The following ALDH5A1 variants were observed in gnomAD, a reference collection of about 807,000 sequenced individuals.
ALDH5A1 encodes the protein aldehyde dehydrogenase 5 family member A1, also known as succinate-semialdehyde dehydrogenase, mitochondrial.
In ALDH5A1, 33 loss-of-function variants were observed where a neutral mutation model predicts 54.7. The observed-to-expected ratio is 0.60, with a 90% CI of 0.46 to 0.81. The LOEUF (loss-of-function observed/expected upper bound fraction) is 0.81, where lower values mean the gene tolerates loss of function less well. Ranked by LOEUF, ALDH5A1 falls within the 30% of genes least tolerant of loss-of-function variation. The probability of loss-of-function intolerance (pLI) is 0.00; values close to 1 mark genes in which losing one functional copy is unlikely to be tolerated. For synonymous variants in ALDH5A1, 294 were observed against 292.7 expected (o/e 1.00, Z -0.05); for missense variants, 657 against 711.0 (o/e 0.92, Z 0.86).
Position 24,504,852 on chromosome 6 carries a change from T to A in ALDH5A1, c.610-17T>A. ...GGTCCTTCCTCTCACATACTTCCTC[T>A]GCTCTTCTAACCCCAGTGGAATTTC... On this transcript the variant is annotated splice_polypyrimidine_tract_variant and intron_variant, in intron 3 of 9. Transcript: ENST00000357578. The A allele has an allele frequency of 1.2e-6, 2 of 1,610,448 alleles. No homozygotes were observed. Among genetic ancestry groups the A allele is most frequent in the Non-Finnish European group, 1.7e-6 (2 of 1,176,624 alleles).
intron 4 of ALDH5A1, 98 bp downstream of exon 4, chr6:24,505,083 C>T: frequency 8.3e-7 from 1 of 1,201,558 alleles, no homozygotes; most frequent in Non-Finnish European, 1.2e-6. Context: ...TACTTCTTTG[C>T]TTACGCCTCC....
chr6:24,519,287 G>A (rs554591814), intron 5 of ALDH5A1, among the ~76,000 whole-genome samples: 4 of 152,228 alleles, frequency 2.6e-5, no homozygotes, highest in South Asian at 4.1e-4. Context: ...GTTCTAGGCC[G>A]GGCACAGTGG....
At chr6:24,528,934 C>T (rs1344961091) in intron 8 of ALDH5A1, among the ~76,000 whole-genome samples, 1 of 151,984 alleles carries the variant, frequency 6.6e-6, no homozygotes, top group Non-Finnish European at 1.5e-5. Flanking sequence ...GCCTCTGCCT[C>T]CCAAAGTGCT....
At chr6:24,499,351 C>T (rs2127381041) in intron 1 of ALDH5A1, among the ~76,000 whole-genome samples, 1 of 152,328 alleles carries the variant, frequency 6.6e-6, no homozygotes, top group South Asian at 2.1e-4. Flanking sequence ...TGGGAAGCTA[C>T]AGCCTGAGCA....
Position 24,528,008 on chromosome 6 carries a change from G to C in ALDH5A1, c.1185G>C (p.Gln395His). 6.2e-7 allele frequency: 1 copy of C among 1,614,046 alleles called. No individual in the cohort carries two copies. Among genetic ancestry groups the C allele is most frequent in the Non-Finnish European group, 8.5e-7 (1 of 1,179,970 alleles). The change falls in exon 8 of 10, where the codon CAG (glutamine) becomes CAC (histidine). Residue 395 changes from glutamine to histidine, a missense_variant. Transcript: ENST00000357578. ...TCCTCATTACACAGGTGGAGAAACA[G>C]GTGAATGATGCCGTTTCTAAAGGTG... ...NEKAVEKVEK[Q>H]VNDAVSKGAT...
intron 8 of ALDH5A1, among the ~76,000 whole-genome samples, chr6:24,530,241 C>G (rs906051051): frequency 6.6e-6 from 1 of 152,138 alleles, no homozygotes; most frequent in Non-Finnish European, 1.5e-5. Flanking sequence ...TCCCACCCAC[C>G]AAGATCTTTA....
intron 7 of ALDH5A1, among the ~76,000 whole-genome samples, chr6:24,525,839 G>A (rs1277697981): frequency 6.6e-6 from 1 of 152,158 alleles, no homozygotes; most frequent in Non-Finnish European, 1.5e-5. Flanking sequence ...AGGAGATGAA[G>A]CTGGTTGATT....
rs1256378489 is a variant in ALDH5A1 at position 24,520,628 on chromosome 6, A to C, written c.1014+84A>C. ...ATGTGTGTGTGTGTGATATGTGTGC[A>C]TGTGAGTGTGTGTGTGTGTGCGTGT... On this transcript the variant is annotated intron_variant, in intron 6 of 9. Coordinates refer to ENST00000357578, the MANE Select transcript of ALDH5A1 (RefSeq NM_001080.3). The C allele has an allele frequency of 2.6e-6, 4 of 1,554,838 alleles. No individual in the cohort carries two copies. The East Asian group carries it at 9.3e-5, about 36-fold the overall frequency.
At position 24,509,226 on chromosome 6, in the gene ALDH5A1, C is replaced by T. The variant is rs1182877739; in HGVS notation, c.726+4241C>T. 6.6e-6 allele frequency among the ~76,000 whole-genome samples: 1 copy of T among 152,182 alleles called. No individual in the cohort carries two copies. Among genetic ancestry groups the T allele is most frequent in the Non-Finnish European group, 1.5e-5 (1 of 68,032 alleles). On this transcript the variant is annotated intron_variant, in intron 4 of 9. Transcript: ENST00000357578. The surrounding 1 kb of genome is among the most constrained non-coding windows in gnomAD (Gnocchi z 4.7). Reference sequence around the variant, plus strand: ...GCTAGAAGGGTTTTTCCAATGTTATCTTCTAGAATTTTTATAGTTTCAGGT... The same window carrying T: ...GCTAGAAGGGTTTTTCCAATGTTATTTTCTAGAATTTTTATAGTTTCAGGT...
intron 4 of ALDH5A1, among the ~76,000 whole-genome samples, chr6:24,512,626 T>A (rs368968965): frequency 2.6e-5 from 4 of 152,362 alleles, no homozygotes; most frequent in African/African-American, 9.6e-5. Context: ...TTGTCATCTT[T>A]TACCTTGTTT....
At chr6:24,512,454 G>A in intron 4 of ALDH5A1, among the ~76,000 whole-genome samples, 1 of 152,154 alleles carries the variant, frequency 6.6e-6, no homozygotes, top group South Asian at 2.1e-4. Flanking sequence ...TTGAGGTTAT[G>A]TGTTGTGTTT....
chr6:24,533,288 C>T (rs1264936469), intron 9 of ALDH5A1, among the ~76,000 whole-genome samples: 4 of 151,908 alleles, frequency 2.6e-5, no homozygotes, highest in Non-Finnish European at 4.4e-5. Context: ...AAGAGGGTCT[C>T]GATAGGAGAT....
Position 24,496,996 on chromosome 6 carries a change from G to A in ALDH5A1, c.354+1646G>A, listed in dbSNP as rs116134850. ...AAGACCAAAGGAGGTAAGTGTGTCC[G>A]GAGTTGGTTCCTGCCGGTAGGTTTG... On this transcript the variant is annotated intron_variant, in intron 1 of 9. Transcript: ENST00000357578. 5.8e-3 allele frequency among the ~76,000 whole-genome samples: 879 copies of A among 152,224 alleles called. 9 individuals are homozygous for A. The highest frequency in any genetic ancestry group is 0.019 in the African/African-American group (783 of 41,512).
In ALDH5A1 at chr6:24,523,985, G is replaced by GTTT. The variant is rs36023125; in HGVS notation, c.1173+1076_1173+1078dup. On this transcript the variant is annotated intron_variant, in intron 7 of 9. Coordinates refer to ENST00000357578, the MANE Select transcript of ALDH5A1 (RefSeq NM_001080.3). ...TAATATCAAACATCCAGTTTTTTGT[G>GTTT]TTTTTTTTTTTTTTTTTTGAGACGG... 1.7e-3 allele frequency among the ~76,000 whole-genome samples: 198 copies of GTTT among 113,376 alleles called. 6 individuals are homozygous for GTTT. Among genetic ancestry groups the GTTT allele is most frequent in the South Asian group, 5.5e-3 (20 of 3,664 alleles). The allele number at this position is 113,376 out of a possible 152,430, so 74.4% of individuals were successfully genotyped here. A position where few individuals can be genotyped will look rare whatever the true frequency, so the allele number is the denominator to read the frequency against.
Position 24,518,266 on chromosome 6 carries a change from C to A in ALDH5A1, c.871-2135C>A, listed in dbSNP as rs1221223440. Among the ~76,000 whole-genome samples, 1 of 152,206 alleles carries A rather than the reference C, an allele frequency of 6.6e-6. No individual in the cohort carries two copies. Among genetic ancestry groups the A allele is most frequent in the African/African-American group, 2.4e-5 (1 of 41,446 alleles). ...GCCAATCACATGCTGTCTTTGGAAG[C>A]TGAGGCCCTGAGGAGGTCAGCCCAT... On this transcript the variant is annotated intron_variant, in intron 5 of 9. Transcript: ENST00000357578. This position sits in a 1 kb window ranked among gnomAD's most constrained non-coding sequence, Gnocchi z 4.2.
Position 24,504,953 on chromosome 6 carries a change from G to C in ALDH5A1, c.694G>C (p.Asp232His), listed in dbSNP as rs781594791. The C allele has an allele frequency of 6.2e-7, 1 of 1,614,208 alleles. No individual in the cohort carries two copies. Among genetic ancestry groups the C allele is most frequent in the South Asian group, 1.1e-5 (1 of 91,086 alleles). The stretch of plus-strand genomic sequence containing the variant: ...TACTGTCGTGGTGAAGCCTGCCGAA[G>C]ACACGCCCTTCTCCGCCCTGGCCCT... ...GCTVVVKPAE[D>H]TPFSALALAE... The change falls in exon 4 of 10, where the codon GAC becomes CAC. Residue 232 changes from aspartate to histidine, a missense_variant. Asp to His is a moderately conservative substitution (Grantham distance 81, BLOSUM62 -1). Around this residue, in one of 2 missense-constraint regions of ALDH5A1, gnomAD observed 425 missense variants for 516.4 expected, o/e 0.82. Coordinates refer to ENST00000357578, the MANE Select transcript of ALDH5A1 (RefSeq NM_001080.3).
chr6:24,505,123 G>A, intron 4 of ALDH5A1, 138 bp downstream of exon 4: 1 of 919,196 alleles, frequency 1.1e-6, no homozygotes, highest in Non-Finnish European at 1.8e-6. Context: ...TTAATCTACT[G>A]GTGATTACTT....
rs1022489269 is a variant in ALDH5A1 at position 24,518,834 on chromosome 6, C to A, written c.871-1567C>A. ...CACTTGGGGGGCAATCCTAGAGCCA[C>A]CTTGGGCTTGCGAACACCGTCTGTT... On this transcript the variant is annotated intron_variant, in intron 5 of 9. Transcript: ENST00000357578. This position sits in a 1 kb window ranked among gnomAD's most constrained non-coding sequence, Gnocchi z 4.2. 3.3e-5 allele frequency among the ~76,000 whole-genome samples: 5 copies of A among 152,174 alleles called. No homozygotes were observed. The highest frequency in any genetic ancestry group is 1.5e-5 in the Non-Finnish European group (1 of 68,030).
rs1759987372 is a variant in ALDH5A1 at position 24,533,844 on chromosome 6, A to G, written c.*132A>G. ...TTTCAGAACTCATCCAGTCCTTGTAATCTTAAACAGATGCAAATCCTACCC... is the reference window on the plus strand; with the variant it reads ...TTTCAGAACTCATCCAGTCCTTGTAGTCTTAAACAGATGCAAATCCTACCC... On this transcript the variant is annotated 3_prime_UTR_variant, in exon 10 of 10. Coordinates refer to ENST00000357578, the MANE Select transcript of ALDH5A1 (RefSeq NM_001080.3). 1.1e-6 allele frequency: 1 copy of G among 887,320 alleles called. No homozygotes were observed. 55.0% of individuals were successfully genotyped at this position (887,320 alleles called of 1,614,324 possible).
Sources: gnomAD v4.1 joint callset for allele counts (sites outside exome capture counted in the v4.1 genomes callset) on GRCh38, gnomAD v4.1.1 for gene constraint, gnomAD v4.1.1 regional missense constraint, Gnocchi (gnomAD v3.1) non-coding constraint, MANE v1.5 for transcripts, NCBI Gene and HGNC (gene_info 2026-07-23, HGNC 2026-07-21) for gene names.